Variants in STAC observed in about 807,000 individuals in gnomAD.
The protein encoded by STAC is SH3 and cysteine rich domain.
A neutral mutation model predicts 48.8 loss-of-function variants in STAC; 43 were observed. The observed-to-expected ratio is 0.88, with a 90% CI of 0.69 to 1.14. The LOEUF (loss-of-function observed/expected upper bound fraction) is 1.14, where lower values mean the gene tolerates loss of function less well. STAC is among the 50% of genes most tolerant of loss of function. The pLI is 0.00. For synonymous variants in STAC, 193 were observed against 179.5 expected (o/e 1.07, Z -0.60); for missense variants, 497 against 504.0 (o/e 0.99, Z 0.13).
At chr3:36,512,736 T>C (rs78307918) in intron 8 of STAC, among the ~76,000 whole-genome samples, 4,840 of 152,244 alleles carry the variant, frequency 0.032, 129 homozygotes, top group South Asian at 0.054. Context: ...AGGAGTGAAA[T>C]GTCTGCATTG....
intron 1 of STAC, among the ~76,000 whole-genome samples, chr3:36,433,403 G>A (rs897882413): frequency 4.6e-5 from 7 of 152,178 alleles, no homozygotes; most frequent in Non-Finnish European, 7.3e-5. Context: ...ACCTAGAACT[G>A]AGGGATGCCA....
Position 36,440,197 on chromosome 3 carries a change from C to T in STAC, c.112-3167C>T, listed in dbSNP as rs139258545. ...GGCTTCACACAACCACACCTGACTT[C>T]AGGAGGGCAAATAAGTACAATCCCA... On this transcript the variant is annotated intron_variant, in intron 1 of 10. Coordinates refer to ENST00000273183, the MANE Select transcript of STAC (RefSeq NM_003149.3). Among the ~76,000 whole-genome samples, 619 of 152,320 alleles carry T rather than the reference C, an allele frequency of 4.1e-3. 3 individuals are homozygous for T. The highest frequency in any genetic ancestry group is 5.6e-3 in the Non-Finnish European group (381 of 68,030).
At chr3:36,530,593 C>CTTTTTTTTTTTTT (rs577222686) in intron 10 of STAC, among the ~76,000 whole-genome samples, 134 of 71,976 alleles carry the variant, frequency 1.9e-3, no homozygotes, top group Middle Eastern at 0.02. Context: ...TTTTTTTTTT[C>CTTTTTTTTTTTTT]TTTTTTTTTT....
At chr3:36,445,777 A>C (rs1179202080) in intron 2 of STAC, among the ~76,000 whole-genome samples, 5 of 152,174 alleles carry the variant, frequency 3.3e-5, no homozygotes, top group Non-Finnish European at 7.3e-5. Flanking sequence ...AAGATATTAA[A>C]GCTGTTTGTT....
At chr3:36,493,048 G>A (rs2290528) in intron 5 of STAC, 103 bp from the exon 6 acceptor site, 118,107 of 1,073,616 alleles carry the variant, frequency 0.11, 8,316 homozygotes, top group East Asian at 0.3. Flanking sequence ...GGGTCCTTAT[G>A]TGTCATGCAA....
intron 7 of STAC, 112 bp from the exon 8 acceptor site, chr3:36,505,634 T>C: frequency 1.4e-6 from 1 of 700,638 alleles, no homozygotes; most frequent in Non-Finnish European, 2.4e-6. Flanking sequence ...ACACTTACGA[T>C]CCATACACTG....
chr3:36,448,907 C>T (rs562404167), intron 2 of STAC, among the ~76,000 whole-genome samples: 1 of 146,196 alleles, frequency 6.8e-6, no homozygotes, highest in Non-Finnish European at 1.5e-5. Flanking sequence ...GTGAACCCCC[C>T]CCCCCACTCC....
chr3:36,384,857 TG>T (rs1394082626), intron 1 of STAC, among the ~76,000 whole-genome samples: 10 of 152,184 alleles, frequency 6.6e-5, no homozygotes, highest in Non-Finnish European at 1.5e-4. Flanking sequence ...CATGAAGACG[TG>T]CCCTGAATCT....
At chr3:36,533,246 G>T (rs1398495267) in intron 10 of STAC, among the ~76,000 whole-genome samples, 1 of 152,072 alleles carries the variant, frequency 6.6e-6, no homozygotes, top group African/African-American at 2.4e-5. Flanking sequence ...TTGATTCCAG[G>T]CACAGGCATC....
intron 1 of STAC, among the ~76,000 whole-genome samples, chr3:36,381,596 G>C (rs1699510700): frequency 6.6e-6 from 1 of 152,204 alleles, no homozygotes; most frequent in Admixed American, 6.5e-5. Flanking sequence ...GCGATCCCCA[G>C]GCATTTGGGG....
At chr3:36,417,806 G>T (rs1482041701) in intron 1 of STAC, among the ~76,000 whole-genome samples, 1 of 152,070 alleles carries the variant, frequency 6.6e-6, no homozygotes, top group Admixed American at 6.5e-5. Context: ...GGAGAAACTT[G>T]CCCATAAAAA....
intron 8 of STAC, among the ~76,000 whole-genome samples, chr3:36,528,192 T>C (rs1698981136): frequency 6.6e-6 from 1 of 152,144 alleles, no homozygotes; most frequent in African/African-American, 2.4e-5. Flanking sequence ...TATTTTTGGC[T>C]GGGCTGGATG....
chr3:36,493,266 CAT>C (rs1698042663), intron 6 of STAC, 37 bp downstream of exon 6: 2 of 1,604,112 alleles, frequency 1.2e-6, no homozygotes, highest in Middle Eastern at 1.7e-4. Context: ...AATGTGATCA[CAT>C]GAGTCAGGGT....
chr3:36,400,004 G>A (rs1699968878), intron 1 of STAC, among the ~76,000 whole-genome samples: 1 of 152,214 alleles, frequency 6.6e-6, no homozygotes, highest in Non-Finnish European at 1.5e-5. Context: ...ACTTAAAAGG[G>A]GGTGGGTTGA....
intron 1 of STAC, among the ~76,000 whole-genome samples, chr3:36,406,662 A>G (rs146774416): frequency 9.1e-4 from 138 of 152,344 alleles, no homozygotes; most frequent in Admixed American, 2.2e-3. Flanking sequence ...GGAGAAATCC[A>G]GCCCACTGCC....
chr3:36,536,259 A>G (rs1403219014), intron 10 of STAC, among the ~76,000 whole-genome samples: 1 of 152,164 alleles, frequency 6.6e-6, no homozygotes, highest in African/African-American at 2.4e-5. Context: ...TAAAATTCTT[A>G]TGGAACCAAA....
intron 1 of STAC, among the ~76,000 whole-genome samples, chr3:36,390,451 CTTTTTTTT>C (rs59589769): frequency 1.2e-4 from 10 of 80,824 alleles, no homozygotes; most frequent in African/African-American, 2.5e-4. Context: ...TTTTTCTTTT[CTTTTTTTT>C]TTTTTTTTTT....
chr3:36,441,068 A>G (rs1696332859), intron 1 of STAC, among the ~76,000 whole-genome samples: 1 of 152,236 alleles, frequency 6.6e-6, no homozygotes, highest in Non-Finnish European at 1.5e-5. Context: ...CCATAACATC[A>G]AACATTTATC....
At chr3:36,473,623 C>T (rs1575224129) in intron 2 of STAC, among the ~76,000 whole-genome samples, 1 of 152,108 alleles carries the variant, frequency 6.6e-6, no homozygotes, top group East Asian at 1.9e-4. Flanking sequence ...TTTGTTGATG[C>T]CTTAAGCATG....
Sources: gnomAD v4.1 joint callset for allele counts (sites outside exome capture counted in the v4.1 genomes callset) on GRCh38, gnomAD v4.1.1 for gene constraint, MANE v1.5 for transcripts, NCBI Gene and HGNC (gene_info 2026-07-23, HGNC 2026-07-21) for gene names.